Variants in CDK18 observed in about 807,000 individuals in gnomAD.
CDK18 encodes the protein cyclin dependent kinase 18.
A neutral mutation model predicts 62.0 loss-of-function variants in CDK18; 52 were observed. That is an observed-to-expected ratio of 0.84 (90% CI 0.67 to 1.06). The LOEUF (loss-of-function observed/expected upper bound fraction) is 1.06. Among genes scored for constraint, CDK18 ranks in the 50% least tolerant of loss-of-function variants. The probability of loss-of-function intolerance (pLI) is 0.00; values close to 1 mark genes in which losing one functional copy is unlikely to be tolerated. For missense variants in CDK18, 604 were observed against 619.9 expected, an observed-to-expected ratio of 0.97 and a Z score of 0.27; for synonymous variants, 237 against 247.0, an observed-to-expected ratio of 0.96 and a Z score of 0.38.
chr1:205,529,206 C>G (rs772417169), intron 11 of CDK18, 110 bp downstream of exon 11: 910 of 1,332,020 alleles, frequency 6.8e-4, no homozygotes, highest in Non-Finnish European at 8.8e-4. Flanking sequence ...CTCTCCCGGG[C>G]GGGGACCCCC....
In CDK18 at chr1:205,531,728, G is replaced by A. The variant is rs1668748669; in HGVS notation, c.*350G>A. The A allele has an allele frequency of 6.2e-6, 2 of 324,548 alleles. No individual in the cohort carries two copies. The highest frequency in any genetic ancestry group is 5.9e-6 in the Non-Finnish European group (1 of 169,830). The allele number at this position is 324,548 out of a possible 1,614,324, so 20.1% of individuals were successfully genotyped here. ...GATGACAGAATCAAGGCGCCAGGAT[G>A]GGCACTCTGCCCTGGATACAGGCTC... On this transcript the variant is annotated 3_prime_UTR_variant, in exon 16 of 16. Transcript: ENST00000429964.
chr1:205,515,991 C>T (rs1667799060), intron 1 of CDK18, among the ~76,000 whole-genome samples: 1 of 152,314 alleles, frequency 6.6e-6, no homozygotes, highest in South Asian at 2.1e-4. Flanking sequence ...GGCCTGCAGC[C>T]TCTCTCATCC....
rs143048177 is a variant in CDK18, at chr1:205,528,917, C to T, written c.975-82C>T. On this transcript the variant is annotated intron_variant, in intron 10 of 15. Coordinates refer to ENST00000429964, the MANE Select transcript of CDK18 (RefSeq NM_212502.3). The surrounding 1 kb of genome is among the most constrained non-coding windows in gnomAD (Gnocchi z 4.2). ...ATCCCTGCAGCCGCCTGTGGCAGGT[C>T]GTCATTGGTGCCCTGGTGGAGCAGC... 18,515 of 881,442 alleles carry T rather than the reference C, an allele frequency of 0.021. 290 individuals are homozygous for T. Among genetic ancestry groups the T allele is most frequent in the Non-Finnish European group, 0.025 (14,405 of 566,480 alleles). The allele number at this position is 881,442 out of a possible 1,614,324, so 54.6% of individuals were successfully genotyped here.
In CDK18 at chr1:205,526,445, T is replaced by TG. The variant is rs1430778053; in HGVS notation, c.652dup (p.Val218GlyfsTer3). On this transcript the variant is annotated frameshift_variant, in exon 7 of 16. Coordinates refer to ENST00000429964, the MANE Select transcript of CDK18 (RefSeq NM_212502.3). LOFTEE classifies it high-confidence loss of function. ...ATCCACACAGATCGGTCCCTCACCC[T>TG]GGTGTTTGAGTACCTGGTGAGAGTC... The TG allele has an allele frequency of 2.0e-5, 33 of 1,613,580 alleles. No homozygotes were observed. Among genetic ancestry groups the TG allele is most frequent in the Non-Finnish European group, 2.7e-5 (32 of 1,179,504 alleles).
rs200913593 is a variant in CDK18 at position 205,523,152 on chromosome 1, G to C, written c.-16G>C. 3.1e-6 allele frequency: 5 copies of C among 1,595,300 alleles called. No individual in the cohort carries two copies. The highest frequency in any genetic ancestry group is 1.7e-4 in the Middle Eastern group (1 of 5,960). Reference sequence around the variant, plus strand: ...TCTCACACTTCCCATCTCAGGACCCGGCTGCCCAGTCCCTCATGATCATGA... The same window carrying C: ...TCTCACACTTCCCATCTCAGGACCCCGCTGCCCAGTCCCTCATGATCATGA... On this transcript the variant is annotated 5_prime_UTR_variant, in exon 2 of 16. Transcript: ENST00000429964.
At chr1:205,529,210 G>A in intron 11 of CDK18, 114 bp downstream of exon 11, 6 of 1,339,994 alleles carry the variant, frequency 4.5e-6, no homozygotes, top group South Asian at 1.3e-5. Context: ...CCCGGGCGGG[G>A]ACCCCCTGTG....
intron 1 of CDK18, among the ~76,000 whole-genome samples, chr1:205,508,895 T>A (rs1426229414): frequency 6.6e-6 from 1 of 151,250 alleles, no homozygotes; most frequent in Non-Finnish European, 1.5e-5. Context: ...ATGCCTGTAA[T>A]CCCAGCACTT....
chr1:205,511,132 G>A (rs995556548), intron 1 of CDK18, among the ~76,000 whole-genome samples: 3 of 152,284 alleles, frequency 2.0e-5, no homozygotes, highest in Non-Finnish European at 4.4e-5. Flanking sequence ...GACAGTTTTT[G>A]TATGGCCCAT....
rs1176617945 is a variant in CDK18 at position 205,529,020 on chromosome 1, C to G, written c.996C>G (p.Tyr332Ter). 1 of 1,593,670 alleles carries G rather than the reference C, an allele frequency of 6.3e-7. No homozygotes were observed. Among genetic ancestry groups the G allele is most frequent in the Non-Finnish European group, 8.5e-7 (1 of 1,170,732 alleles). The change falls in exon 11 of 16, where the codon TAC becomes TAG. Residue 332 changes from tyrosine (Y) to a stop codon, truncating the protein, a stop_gained. Transcript: ENST00000429964. LOFTEE classifies it high-confidence loss of function. ...IDMWGVGCIH[Y>*]EMATGRPLFP... is the part of the protein sequence containing the mutation. ...GCAGGGGCGTGGGCTGCATCCACTA[C>G]GAGATGGCCACAGGGAGGCCCCTCT...
chr1:205,523,158 C>G lies in CDK18; in HGVS notation c.-10C>G. On this transcript the variant is annotated 5_prime_UTR_variant, in exon 2 of 16. Transcript: ENST00000429964. ...ACTTCCCATCTCAGGACCCGGCTGCCCAGTCCCTCATGATCATGAACAAGA... is the reference window on the plus strand; with the variant it reads ...ACTTCCCATCTCAGGACCCGGCTGCGCAGTCCCTCATGATCATGAACAAGA... The G allele has an allele frequency of 6.2e-7, 1 of 1,601,656 alleles. No individual in the cohort carries two copies. Among genetic ancestry groups the G allele is most frequent in the Non-Finnish European group, 8.5e-7 (1 of 1,172,662 alleles).
At chr1:205,524,884 G>A (rs946632255) in intron 4 of CDK18, among the ~76,000 whole-genome samples, 1 of 152,198 alleles carries the variant, frequency 6.6e-6, no homozygotes, top group Admixed American at 6.5e-5. Context: ...GTCTCAGTCG[G>A]AGACACAGGT....
At chr1:205,519,195 C>A (rs976720339) in intron 1 of CDK18, among the ~76,000 whole-genome samples, 16 of 152,288 alleles carry the variant, frequency 1.1e-4, no homozygotes, top group Admixed American at 2.0e-4. Flanking sequence ...AGGTGACAGG[C>A]CTTTTTCCTG....
intron 1 of CDK18, among the ~76,000 whole-genome samples, chr1:205,513,211 T>C (rs902443389): frequency 1.3e-5 from 2 of 152,214 alleles, no homozygotes; most frequent in African/African-American, 4.8e-5. Context: ...TCCTTGAGTG[T>C]CTTTAAAGAG....
At chr1:205,524,089 G>C (rs1430022559) in intron 3 of CDK18, 143 bp from the exon 4 acceptor site, 6 of 965,996 alleles carry the variant, frequency 6.2e-6, no homozygotes, top group Non-Finnish European at 9.7e-6. Context: ...GAGCAGCTGT[G>C]AGCCTGGGGT....
Position 205,528,074 on chromosome 1 carries a change from A to C in CDK18, c.880A>C (p.Thr294Pro), listed in dbSNP as rs201373119. The change falls in exon 10 of 16, where the codon ACA (threonine) becomes CCA (proline). Residue 294 changes from threonine (T) to proline (P), a missense_variant. Transcript: ENST00000429964. This position sits in a 1 kb window ranked among gnomAD's most constrained non-coding sequence, Gnocchi z 4.2. ...FGLARAKSVPTKTYSNEVVTL... is the reference protein window; with the variant it reads ...FGLARAKSVPPKTYSNEVVTL... ...ACTGGCCAGGGCCAAGTCAGTGCCC[A>C]CAAAGACTTACTCCAATGAGGTGGT... 278 of 1,614,162 alleles carry C rather than the reference A, an allele frequency of 1.7e-4. 1 individual carries two copies. Among genetic ancestry groups the C allele is most frequent in the Non-Finnish European group, 1.9e-4 (227 of 1,180,002 alleles).
chr1:205,527,125 G>A lies in CDK18; in HGVS notation c.729+288G>A. On this transcript the variant is annotated intron_variant, in intron 8 of 15. Transcript: ENST00000429964. This position sits in a 1 kb window ranked among gnomAD's most constrained non-coding sequence, Gnocchi z 4.1. Reference sequence around the variant, plus strand: ...TGTCAAATGGGAGTGTGAGCTACCTGCCAAAATGCAGGGAGGCTTCTGGGG... The same window carrying A: ...TGTCAAATGGGAGTGTGAGCTACCTACCAAAATGCAGGGAGGCTTCTGGGG... The A allele has an allele frequency of 2.3e-6, 1 of 431,384 alleles. No homozygotes were observed. Among genetic ancestry groups the A allele is most frequent in the East Asian group, 3.9e-5 (1 of 25,574 alleles). The allele number at this position is 431,384 out of a possible 1,614,324, so 26.7% of individuals were successfully genotyped here.
Position 205,517,873 on chromosome 1 carries a change from T to C in CDK18, c.-21-5274T>C, listed in dbSNP as rs1405297106. ...TGTCTGTTCTCAACACAGCAGCGTGTTAAAGCCTCAGTGTGATCATGTCAC... is the reference window on the plus strand; with the variant it reads ...TGTCTGTTCTCAACACAGCAGCGTGCTAAAGCCTCAGTGTGATCATGTCAC... On this transcript the variant is annotated intron_variant, in intron 1 of 15. Transcript: ENST00000429964. This position sits in a 1 kb window ranked among gnomAD's most constrained non-coding sequence, Gnocchi z 4.1. Among the ~76,000 whole-genome samples the C allele has an allele frequency of 6.6e-6, 1 of 152,110 alleles. No individual in the cohort carries two copies. The highest frequency in any genetic ancestry group is 1.5e-5 in the Non-Finnish European group (1 of 68,010).
In CDK18 at chr1:205,529,505, C is replaced by G; in HGVS notation, c.1179-16C>G. 1 of 1,609,152 alleles carries G rather than the reference C, an allele frequency of 6.2e-7. No individual in the cohort carries two copies. The highest frequency in any genetic ancestry group is 8.5e-7 in the Non-Finnish European group (1 of 1,176,754). ...CCCAATCAGGCACAGCCTGTGTCCG[C>G]GCCTTCTCCTTGCAGGTTGGATACG... On this transcript the variant is annotated splice_polypyrimidine_tract_variant and intron_variant, in intron 12 of 15. Coordinates refer to ENST00000429964, the MANE Select transcript of CDK18 (RefSeq NM_212502.3).
chr1:205,514,573 G>T (rs1397152040), intron 1 of CDK18, among the ~76,000 whole-genome samples: 1 of 152,170 alleles, frequency 6.6e-6, no homozygotes, highest in Non-Finnish European at 1.5e-5. Flanking sequence ...ATTGCACGTG[G>T]CAGTGTGTCC....
Sources: allele counts gnomAD v4.1 joint callset (sites outside exome capture counted in the v4.1 genomes callset), GRCh38; gene constraint gnomAD v4.1.1; non-coding constraint Gnocchi (gnomAD v3.1); transcripts MANE v1.5; gene names NCBI Gene and HGNC (gene_info 2026-07-23, HGNC 2026-07-21).